Variants in GPC5 observed in about 807,000 individuals in gnomAD.
The protein encoded by GPC5 is glypican-5.
In GPC5, 47 loss-of-function variants were observed where a neutral mutation model predicts 53.9. The ratio of observed to expected loss-of-function variants is 0.87; its 90% confidence interval spans 0.69 to 1.11. The LOEUF (loss-of-function observed/expected upper bound fraction) is 1.11. Among genes scored for constraint, GPC5 ranks in the 50% most tolerant of loss-of-function variants. GPC5 has a pLI of 0.00. For synonymous variants in GPC5, 286 were observed against 263.3 expected (o/e 1.09, Z -0.84); for missense variants, 748 against 713.1 (o/e 1.05, Z -0.56).
At chr13:91,813,920 ATTTTTTTTTTTTTTTT>A (rs71113766) in intron 5 of GPC5, among the ~76,000 whole-genome samples, 5 of 72,614 alleles carry the variant, frequency 6.9e-5, no homozygotes, top group African/African-American at 3.0e-4. Flanking sequence ...ATCTTAACTG[ATTTTTTTTTTTTTTTT>A]TTTTTTTTTT....
At chr13:91,529,108 C>G (rs1886219745) in intron 2 of GPC5, among the ~76,000 whole-genome samples, 1 of 152,176 alleles carries the variant, frequency 6.6e-6, no homozygotes, top group Non-Finnish European at 1.5e-5. Context: ...AATTAGTACA[C>G]ATAGAGCAAA....
intron 7 of GPC5, among the ~76,000 whole-genome samples, chr13:92,724,300 T>C (rs1458119173): frequency 1.3e-5 from 2 of 151,614 alleles, no homozygotes; most frequent in African/African-American, 4.8e-5. Context: ...AAAAAAACTC[T>C]TAGAAAAGAT....
chr13:92,111,166 C>A (rs1282049146), intron 6 of GPC5, among the ~76,000 whole-genome samples: 1 of 152,158 alleles, frequency 6.6e-6, no homozygotes, highest in Admixed American at 6.5e-5. Context: ...ACAAAACTAG[C>A]ACTTCCTTCC....
intron 7 of GPC5, among the ~76,000 whole-genome samples, chr13:92,619,475 A>C (rs572446565): frequency 6.6e-6 from 1 of 152,144 alleles, no homozygotes; most frequent in African/African-American, 2.4e-5. Flanking sequence ...ATACGTCTTT[A>C]AAATCAACTA....
intron 7 of GPC5, among the ~76,000 whole-genome samples, chr13:92,784,769 T>C (rs1566417242): frequency 6.6e-6 from 1 of 152,154 alleles, no homozygotes; most frequent in Non-Finnish European, 1.5e-5. Context: ...TACCCAGGGA[T>C]CCTAAGATAT....
chr13:91,419,384 C>T (rs1878450152), intron 1 of GPC5, among the ~76,000 whole-genome samples: 1 of 152,096 alleles, frequency 6.6e-6, no homozygotes, highest in South Asian at 2.1e-4. Context: ...ACACAAAATA[C>T]ACGTACATTT....
chr13:91,672,453 G>T (rs1208477182), intron 2 of GPC5, among the ~76,000 whole-genome samples: 3 of 152,044 alleles, frequency 2.0e-5, no homozygotes, highest in Non-Finnish European at 4.4e-5. Context: ...TCAAAAGAAG[G>T]CATTTACACG....
At chr13:91,779,094 G>C (rs937219849) in intron 5 of GPC5, among the ~76,000 whole-genome samples, 1 of 152,174 alleles carries the variant, frequency 6.6e-6, no homozygotes, top group Non-Finnish European at 1.5e-5. Context: ...TGAGTCCAGT[G>C]AATGTGAAGG....
chr13:92,236,058 C>A (rs1425656265), intron 7 of GPC5, among the ~76,000 whole-genome samples: 1 of 151,978 alleles, frequency 6.6e-6, no homozygotes, highest in Non-Finnish European at 1.5e-5. Flanking sequence ...TGTATGACCT[C>A]TTAAGAAATA....
chr13:92,040,280 G>T (rs917874188), intron 6 of GPC5, among the ~76,000 whole-genome samples: 2 of 152,146 alleles, frequency 1.3e-5, no homozygotes, highest in Non-Finnish European at 2.9e-5. Flanking sequence ...TCAGCCCAAA[G>T]AGGTGCACGT....
Position 92,518,467 on chromosome 13 carries a change from A to G in GPC5, c.1562-347815A>G, listed in dbSNP as rs553128651. On this transcript the variant is annotated intron_variant, in intron 7 of 7. Transcript: ENST00000377067. Reference sequence around the variant, plus strand: ...TACAAGCCAGAAGAGAGTGGGGGCCAATATTCAACATTCTTAAAGAAAAGA... The same window carrying G: ...TACAAGCCAGAAGAGAGTGGGGGCCGATATTCAACATTCTTAAAGAAAAGA... Among the ~76,000 whole-genome samples the G allele has an allele frequency of 2.0e-4, 31 of 152,336 alleles. No individual in the cohort carries two copies. In the South Asian group the frequency reaches 6.0e-3, roughly 30 times the overall value.
chr13:92,819,573 T>G (rs879085440), intron 7 of GPC5, among the ~76,000 whole-genome samples: 1 of 152,226 alleles, frequency 6.6e-6, no homozygotes, highest in Admixed American at 6.5e-5. Flanking sequence ...TTACTTTTTT[T>G]GAATAAAATT....
chr13:92,741,474 A>T (rs35055173), intron 7 of GPC5, among the ~76,000 whole-genome samples: 23,053 of 151,916 alleles, frequency 0.15, 2,420 homozygotes, highest in Non-Finnish European at 0.23. Flanking sequence ...ACTATAAGAA[A>T]TCCATTCTTT....
intron 6 of GPC5, among the ~76,000 whole-genome samples, chr13:92,020,105 C>T (rs1295001400): frequency 6.6e-6 from 1 of 152,060 alleles, no homozygotes; most frequent in South Asian, 2.1e-4. Flanking sequence ...ATTTTCAAAA[C>T]CAGCAACATT....
At chr13:92,520,244 G>C (rs77873302) in intron 7 of GPC5, among the ~76,000 whole-genome samples, 2 of 151,956 alleles carry the variant, frequency 1.3e-5, no homozygotes, top group Non-Finnish European at 2.9e-5. Flanking sequence ...ATTCCAATCA[G>C]TAGGAAAAAA....
intron 7 of GPC5, among the ~76,000 whole-genome samples, chr13:92,765,212 C>T (rs1246599696): frequency 1.3e-5 from 2 of 152,110 alleles, no homozygotes; most frequent in Non-Finnish European, 2.9e-5. Flanking sequence ...TCCCCATGGT[C>T]TTCTTATTGA....
chr13:92,230,022 AT>A (rs2042518625), intron 7 of GPC5, among the ~76,000 whole-genome samples: 1 of 152,126 alleles, frequency 6.6e-6, no homozygotes, highest in Non-Finnish European at 1.5e-5. Flanking sequence ...AATGAAAACA[AT>A]TTTATTTCTA....
At chr13:92,677,072 G>T (rs1010869958) in intron 7 of GPC5, among the ~76,000 whole-genome samples, 4 of 151,918 alleles carry the variant, frequency 2.6e-5, no homozygotes, top group African/African-American at 9.7e-5. Context: ...ATTTTTATTT[G>T]TTTAAAGTAG....
intron 3 of GPC5, among the ~76,000 whole-genome samples, chr13:91,712,481 C>T (rs1594465300): frequency 6.6e-6 from 1 of 151,614 alleles, no homozygotes; most frequent in Non-Finnish European, 1.5e-5. Context: ...TTTTAAAATC[C>T]ATAATATGTA....
Sources: allele counts gnomAD v4.1 joint callset (sites outside exome capture counted in the v4.1 genomes callset), GRCh38; gene constraint gnomAD v4.1.1; transcripts MANE v1.5; gene names NCBI Gene and HGNC (gene_info 2026-07-23, HGNC 2026-07-21).